The following NEU3 variants were observed in gnomAD, a reference collection of about 807,000 sequenced individuals.
The protein encoded by NEU3 is neuraminidase 3, also known as sialidase-3.
Under a neutral mutation model 11.4 loss-of-function variants are expected in NEU3, and 10 were observed. That is an observed-to-expected ratio of 0.88 (90% CI 0.54 to 1.49). NEU3 has a LOEUF of 1.49. NEU3 is among the 40% of genes most tolerant of loss of function. The pLI is 0.00. For missense variants in NEU3, 529 were observed against 581.8 expected, an observed-to-expected ratio of 0.91 and a Z score of 0.93; for synonymous variants, 212 against 228.2, an observed-to-expected ratio of 0.93 and a Z score of 0.64.
chr11:75,007,948 C>T lies in NEU3; in HGVS notation c.*1456C>T, dbSNP rs1948915644. On this transcript the variant is annotated 3_prime_UTR_variant, in exon 3 of 3. Coordinates refer to ENST00000294064, the MANE Select transcript of NEU3 (RefSeq NM_006656.6). ...ATATAGCCTAGGAGACTAGGGGTTA[C>T]AGTTGCACTAGTTGGGTAGAGAGAG... The T allele has an allele frequency of 6.6e-6, 1 of 151,996 alleles. No individual in the cohort carries two copies. The highest frequency in any genetic ancestry group is 2.1e-4 in the South Asian group (1 of 4,804). 9.4% of individuals were successfully genotyped at this position (151,996 alleles called of 1,614,324 possible).
chr11:75,011,276 G>A (rs1291433649), downstream of NEU3, among the ~76,000 whole-genome samples: 2 of 152,134 alleles, frequency 1.3e-5, no homozygotes, highest in African/African-American at 4.8e-5. Context: ...AGCTGAAGGG[G>A]CCACAAATAT....
upstream of NEU3, chr11:74,988,863 C>A: frequency 1.7e-6 from 1 of 574,624 alleles, no homozygotes; most frequent in Non-Finnish European, 3.1e-6. Flanking sequence ...AGTAGGCCAA[C>A]GGTTGGCCCC....
At chr11:74,993,009 T>C (rs1033740368) in intron 1 of NEU3, among the ~76,000 whole-genome samples, 1 of 152,136 alleles carries the variant, frequency 6.6e-6, no homozygotes, top group South Asian at 2.1e-4. Flanking sequence ...TGCAAGAAAG[T>C]AAGAGAAATC....
chr11:74,997,937 C>T (rs969011100), intron 2 of NEU3, among the ~76,000 whole-genome samples: 1 of 152,094 alleles, frequency 6.6e-6, no homozygotes, highest in Non-Finnish European at 1.5e-5. Flanking sequence ...ATCGGCCTGT[C>T]TTGGCTTTCA....
At chr11:75,001,195 T>C (rs1948840944) in intron 2 of NEU3, among the ~76,000 whole-genome samples, 1 of 152,208 alleles carries the variant, frequency 6.6e-6, no homozygotes, top group South Asian at 2.1e-4. Context: ...TTTTTAGTTG[T>C]ATTTCCCCAT....
rs772701570 is a variant in NEU3, at chr11:74,994,703, A to G, written c.289A>G (p.Ile97Val). 1.9e-6 allele frequency: 3 copies of G among 1,613,954 alleles called. No homozygotes were observed. In the East Asian group the frequency reaches 6.7e-5, roughly 36 times the overall value. ...LHLVLRRGLR[I>V]GQLVQWGPLK... Reference sequence around the variant, plus strand: ...CCTGGTGCTGAGGCGAGGGTTGAGGATTGGGCAGTTGGTACAGGTGACTCT... The same window carrying G: ...CCTGGTGCTGAGGCGAGGGTTGAGGGTTGGGCAGTTGGTACAGGTGACTCT... The change falls in exon 2 of 3, where the codon ATT becomes GTT. Residue 97 changes from isoleucine (I) to valine (V), a missense_variant. Transcript: ENST00000294064.
intron 2 of NEU3, among the ~76,000 whole-genome samples, chr11:74,995,807 TA>T (rs1948784713): frequency 6.6e-6 from 1 of 151,498 alleles, no homozygotes; most frequent in Non-Finnish European, 1.5e-5. Flanking sequence ...TTATTATTAT[TA>T]TTATTATTAT....
chr11:75,013,124 G>T (rs1484260456), downstream of NEU3, among the ~76,000 whole-genome samples: 6 of 152,226 alleles, frequency 3.9e-5, no homozygotes, highest in Non-Finnish European at 8.8e-5. Flanking sequence ...GAGGAGCCAG[G>T]AGTTCAAGGT....
At chr11:75,000,816 T>TATTG (rs1555118937) in intron 2 of NEU3, among the ~76,000 whole-genome samples, 11 of 150,936 alleles carry the variant, frequency 7.3e-5, no homozygotes, top group African/African-American at 2.7e-4. Flanking sequence ...TTTATTTATT[T>TATTG]ATTGTAGAAA....
upstream of NEU3, among the ~76,000 whole-genome samples, chr11:74,985,080 T>C (rs955889301): frequency 1.3e-5 from 2 of 152,234 alleles, no homozygotes; most frequent in Non-Finnish European, 2.9e-5. Context: ...CATCTGAGTT[T>C]ACCTCAAAGA....
exon 4 of NEU3, chr11:75,018,834 G>A (rs567437833): frequency 6.6e-6 from 1 of 152,600 alleles, no homozygotes; most frequent in South Asian, 2.1e-4. Flanking sequence ...AGAGAAAAAT[G>A]TGGAAAAGTT....
upstream of NEU3, among the ~76,000 whole-genome samples, chr11:74,984,744 G>A (rs906317915): frequency 2.6e-5 from 4 of 152,062 alleles, no homozygotes; most frequent in Admixed American, 2.6e-4. Flanking sequence ...TGATCCCCTC[G>A]CTTTAGTTGC....
chr11:74,995,484 G>A (rs1356710489), intron 2 of NEU3, among the ~76,000 whole-genome samples: 4 of 152,216 alleles, frequency 2.6e-5, no homozygotes, highest in African/African-American at 9.6e-5. Flanking sequence ...TCCCAAATAG[G>A]CATACGTCGG....
chr11:75,017,901 T>C (rs1456765269), intron 3 of NEU3, among the ~76,000 whole-genome samples: 1 of 152,130 alleles, frequency 6.6e-6, no homozygotes, highest in East Asian at 1.9e-4. Flanking sequence ...AACACTTAAA[T>C]GACATTTAGG....
chr11:74,986,973 G>A (rs575132563), upstream of NEU3, among the ~76,000 whole-genome samples: 28 of 152,294 alleles, frequency 1.8e-4, no homozygotes, highest in South Asian at 4.8e-3. Context: ...GAGAGATGCA[G>A]GGAGTGCCAT....
intron 2 of NEU3, among the ~76,000 whole-genome samples, chr11:75,003,220 A>G (rs1456921355): frequency 6.6e-6 from 1 of 152,184 alleles, no homozygotes; most frequent in African/African-American, 2.4e-5. Flanking sequence ...TTCCATCTCA[A>G]ATTACATGAC....
intron 2 of NEU3, among the ~76,000 whole-genome samples, chr11:74,995,562 AT>A (rs1473883932): frequency 1.3e-5 from 2 of 152,138 alleles, no homozygotes; most frequent in Non-Finnish European, 2.9e-5. Flanking sequence ...AGACACATAA[AT>A]TTTTTGGTTT....
chr11:74,989,595 GGTGCTCCTTAAATATTACTT>G (rs1948709138), intron 1 of NEU3, among the ~76,000 whole-genome samples: 1 of 152,126 alleles, frequency 6.6e-6, no homozygotes, highest in Non-Finnish European at 1.5e-5. Context: ...GCACGTGGTA[GGTGCTCCTTAAATATTACTT>G]GTTAGGAGTG....
chr11:74,982,915 C>T, the NEU3 span, among the ~76,000 whole-genome samples: 1 of 152,172 alleles, frequency 6.6e-6, no homozygotes, highest in Non-Finnish European at 1.5e-5. Flanking sequence ...ACCTCTCACA[C>T]TTCTGGCTGT....
Sources: allele counts gnomAD v4.1 joint callset (sites outside exome capture counted in the v4.1 genomes callset), GRCh38; gene constraint gnomAD v4.1.1; transcripts MANE v1.5; gene names NCBI Gene and HGNC (gene_info 2026-07-23, HGNC 2026-07-21).